Variants in ICE2 observed in about 807,000 individuals in gnomAD.
ICE2 encodes little elongation complex subunit 2.
In ICE2, 87 loss-of-function variants were observed where a neutral mutation model predicts 105.4. The observed-to-expected ratio is 0.83, with a 90% CI of 0.69 to 0.99. The LOEUF is 0.99. Among genes scored for constraint, ICE2 ranks in the 50% least tolerant of loss-of-function variants. The probability of loss-of-function intolerance (pLI) is 0.00; values close to 1 mark genes in which losing one functional copy is unlikely to be tolerated. For missense variants in ICE2, 1,323 were observed against 1,146.7 expected, an observed-to-expected ratio of 1.15 and a Z score of -2.22; for synonymous variants, 399 against 392.0, an observed-to-expected ratio of 1.02 and a Z score of -0.21.
At chr15:60,423,817 T>C in intron 15 of ICE2, 55 bp from the exon 16 acceptor site, 2 of 1,426,588 alleles carry the variant, frequency 1.4e-6, no homozygotes, top group African/African-American at 1.5e-5. Context: ...CATACCTATA[T>C]ACAGTCAACT....
chr15:60,453,981 C>T (rs1050337648), intron 8 of ICE2, among the ~76,000 whole-genome samples, 197 bp from the exon 9 acceptor site: 1 of 152,080 alleles, frequency 6.6e-6, no homozygotes, highest in Non-Finnish European at 1.5e-5. Flanking sequence ...ATCCAACTGG[C>T]AGGAGAAAAA....
chr15:60,435,008 G>A (rs895383684), intron 13 of ICE2, among the ~76,000 whole-genome samples: 3 of 152,230 alleles, frequency 2.0e-5, no homozygotes, highest in African/African-American at 7.2e-5. Flanking sequence ...TAGGAGCCGG[G>A]TGCAGTGGCT....
Position 60,455,060 on chromosome 15 carries a change from G to A in ICE2, c.886C>T (p.Pro296Ser), listed in dbSNP as rs1378886518. The change falls in exon 8 of 16, where the codon CCA becomes TCA. Residue 296 changes from proline to serine, a missense_variant. Pro to Ser is a moderately conservative substitution (Grantham distance 74). Transcript: ENST00000261520. ...SLFTLLNNHG[P>S]TYKEQWEIPV... The stretch of plus-strand genomic sequence containing the variant: ...ATTTCCCACTGTTCCTTGTACGTTG[G>A]TCCATGATTATTTAATAAGGTAAAT... The A allele has an allele frequency of 5.0e-6, 8 of 1,598,918 alleles. No individual in the cohort carries two copies. Among genetic ancestry groups the A allele is most frequent in the Non-Finnish European group, 4.3e-6 (5 of 1,175,650 alleles).
At chr15:60,429,610 G>C (rs1295346602) in intron 14 of ICE2, among the ~76,000 whole-genome samples, 1 of 152,072 alleles carries the variant, frequency 6.6e-6, no homozygotes, top group African/African-American at 2.4e-5. Flanking sequence ...GAGAACATCG[G>C]TTCTTTACAA....
intron 9 of ICE2, chr15:60,451,130 A>C (rs996089440): frequency 1.3e-6 from 1 of 797,820 alleles, no homozygotes; most frequent in Non-Finnish European, 1.5e-6. Context: ...AAACTGAAAA[A>C]TAAAAGAAAA....
intron 3 of ICE2, among the ~76,000 whole-genome samples, chr15:60,472,215 A>C (rs896414669): frequency 6.6e-6 from 1 of 152,070 alleles, no homozygotes; most frequent in Admixed American, 6.5e-5. Context: ...TATATTATTC[A>C]TTTGTAAAAA....
At chr15:60,470,043 A>G (rs557698378) in intron 3 of ICE2, among the ~76,000 whole-genome samples, 7 of 152,316 alleles carry the variant, frequency 4.6e-5, no homozygotes, top group Admixed American at 1.3e-4. Context: ...CCACAGAGGA[A>G]GGGAAACTAA....
intron 8 of ICE2, among the ~76,000 whole-genome samples, chr15:60,454,431 GAAC>G (rs1035221523): frequency 4.5e-4 from 68 of 152,232 alleles, no homozygotes; most frequent in Non-Finnish European, 5.6e-4. Flanking sequence ...GTGAAAGACA[GAAC>G]AACCTGACCA....
At position 60,420,961 on chromosome 15, in the gene ICE2, T is replaced by C. The variant is rs2063237436; in HGVS notation, c.*2673A>G. ...GGTGAACAAAACAAATATGCCCCTG[T>C]CCTTGCAGAGCTTGTAATCTATAAG... On this transcript the variant is annotated 3_prime_UTR_variant, in exon 16 of 16. Transcript: ENST00000261520. 1 of 151,738 alleles carries C rather than the reference T, an allele frequency of 6.6e-6. No individual in the cohort carries two copies. The highest frequency in any genetic ancestry group is 1.5e-5 in the Non-Finnish European group (1 of 67,912). 9.4% of individuals were successfully genotyped at this position (151,738 alleles called of 1,614,324 possible). A position where few individuals can be genotyped will look rare whatever the true frequency, so the allele number is the denominator to read the frequency against.
In ICE2 at chr15:60,423,485, C is replaced by T. The variant is rs1363971703; in HGVS notation, c.*149G>A. 3.4e-6 allele frequency: 2 copies of T among 593,112 alleles called. No homozygotes were observed. The highest frequency in any genetic ancestry group is 3.4e-5 in the East Asian group (1 of 29,152). The allele number at this position is 593,112 out of a possible 1,614,324, so 36.7% of individuals were successfully genotyped here. A position where few individuals can be genotyped will look rare whatever the true frequency, so the allele number is the denominator to read the frequency against. ...ACCATTCCATTTTAGTTGAAATATT[C>T]CTTCACATAGCCAACACATTTTTTC... On this transcript the variant is annotated 3_prime_UTR_variant, in exon 16 of 16. Coordinates refer to ENST00000261520, the MANE Select transcript of ICE2 (RefSeq NM_024611.6).
intron 9 of ICE2, chr15:60,451,657 G>A: frequency 2.1e-6 from 2 of 970,934 alleles, no homozygotes; most frequent in Non-Finnish European, 2.4e-6. Flanking sequence ...TCCAAGTTCA[G>A]GGCCTGAAAA....
intron 12 of ICE2, chr15:60,440,976 TC>T (rs2063707171): frequency 6.6e-6 from 1 of 152,104 alleles, no homozygotes; most frequent in Non-Finnish European, 1.5e-5. Context: ...AATGAAGTAA[TC>T]CATACAGTTG....
Position 60,420,277 on chromosome 15 carries a change from C to G in ICE2, c.*3357G>C, listed in dbSNP as rs1194513838. 2 of 152,158 alleles carry G rather than the reference C, an allele frequency of 1.3e-5. No homozygotes were observed. Among genetic ancestry groups the G allele is most frequent in the African/African-American group, 2.4e-5 (1 of 41,430 alleles). The allele number at this position is 152,158 out of a possible 1,614,324, so 9.4% of individuals were successfully genotyped here. ...AAACCCAGAAGCCATACTTTACTCTCCTTACCAACAACAAAACTGAGTTGT... is the reference window on the plus strand; with the variant it reads ...AAACCCAGAAGCCATACTTTACTCTGCTTACCAACAACAAAACTGAGTTGT... On this transcript the variant is annotated 3_prime_UTR_variant, in exon 16 of 16. Coordinates refer to ENST00000261520, the MANE Select transcript of ICE2 (RefSeq NM_024611.6).
chr15:60,435,664 A>C (rs1303478730), intron 13 of ICE2, among the ~76,000 whole-genome samples: 1 of 151,588 alleles, frequency 6.6e-6, no homozygotes, highest in Non-Finnish European at 1.5e-5. Context: ...CACTAAACAA[A>C]GAAAAACAAA....
intron 5 of ICE2, 36 bp downstream of exon 5, chr15:60,466,558 C>G (rs2064433703): frequency 6.2e-7 from 1 of 1,605,496 alleles, no homozygotes; most frequent in Non-Finnish European, 8.5e-7. Flanking sequence ...TTGCCTATCA[C>G]TTCGCAATTT....
chr15:60,444,414 A>G (rs1031977589), intron 11 of ICE2, among the ~76,000 whole-genome samples: 29 of 152,282 alleles, frequency 1.9e-4, no homozygotes, highest in African/African-American at 6.7e-4. Context: ...TTTCCTTAGT[A>G]TCCCAAAATT....
intron 3 of ICE2, among the ~76,000 whole-genome samples, chr15:60,471,733 TG>T: frequency 6.6e-6 from 1 of 152,294 alleles, no homozygotes; most frequent in African/African-American, 2.4e-5. Context: ...TTTGAAGTTT[TG>T]CCCCTGCATT....
intron 15 of ICE2, among the ~76,000 whole-genome samples, chr15:60,424,946 C>A (rs74017193): frequency 0.023 from 3,504 of 152,302 alleles, 151 homozygotes; most frequent in African/African-American, 0.081. Flanking sequence ...ACAGAACCTG[C>A]CCATATCTGC....
At chr15:60,423,843 A>G in intron 15 of ICE2, 81 bp from the exon 16 acceptor site, 1 of 1,248,920 alleles carries the variant, frequency 8.0e-7, no homozygotes, top group Non-Finnish European at 1.1e-6. Flanking sequence ...GTATTTATAC[A>G]TGTATTAACC....
Sources: gnomAD v4.1 joint callset for allele counts (sites outside exome capture counted in the v4.1 genomes callset) on GRCh38, gnomAD v4.1.1 for gene constraint, MANE v1.5 for transcripts, NCBI Gene and HGNC (gene_info 2026-07-23, HGNC 2026-07-21) for gene names.